Variants in SLC2A5 observed in about 807,000 individuals in gnomAD.
The protein encoded by SLC2A5 is solute carrier family 2 member 5, also known as solute carrier family 2, facilitated glucose transporter member 5.
Under a neutral mutation model 50.3 loss-of-function variants are expected in SLC2A5, and 56 were observed. The ratio of observed to expected loss-of-function variants is 1.11; its 90% confidence interval spans 0.90 to 1.39. The LOEUF (loss-of-function observed/expected upper bound fraction) is 1.39. SLC2A5 is among the 40% of genes most tolerant of loss of function. The probability of loss-of-function intolerance (pLI) is 0.00; values close to 1 mark genes in which losing one functional copy is unlikely to be tolerated. For missense variants in SLC2A5, 566 were observed against 650.1 expected, an observed-to-expected ratio of 0.87 and a Z score of 1.41; for synonymous variants, 269 against 281.9, an observed-to-expected ratio of 0.95 and a Z score of 0.46.
intron 1 of SLC2A5, among the ~76,000 whole-genome samples, chr1:9,060,013 CTA>C (rs1557675791): frequency 1.6e-5 from 2 of 127,662 alleles, no homozygotes; most frequent in African/African-American, 6.6e-5. Flanking sequence ...CACACACACA[CTA>C]CACACACACA....
intron 1 of SLC2A5, among the ~76,000 whole-genome samples, chr1:9,069,164 G>A (rs1488152498): frequency 6.6e-6 from 1 of 152,200 alleles, no homozygotes; most frequent in Non-Finnish European, 1.5e-5. Flanking sequence ...CGAAAGCAGA[G>A]CGAAACATCT....
At chr1:9,048,807 C>T (rs1317019337) in intron 3 of SLC2A5, among the ~76,000 whole-genome samples, 4 of 151,916 alleles carry the variant, frequency 2.6e-5, no homozygotes, top group Non-Finnish European at 5.9e-5. Flanking sequence ...AGGCACGTGC[C>T]CCCACACCCA....
rs756038839 is a variant in SLC2A5, at chr1:9,039,866, C to T, written c.819G>A (p.Ser273=). 4 of 1,611,992 alleles carry T rather than the reference C, an allele frequency of 2.5e-6. No homozygotes were observed. The highest frequency in any genetic ancestry group is 3.4e-6 in the Non-Finnish European group (4 of 1,179,516). The change falls in exon 7 of 12, where the codon TCG becomes TCA. Residue 273 remains serine, a synonymous_variant. Transcript: ENST00000377424. ...ISVLKLFRMR[S]LRWQLLSIIV... ...TGATGGACAGCAGCTGCCAGCGCAG[C>T]GAGCGCATCCGGAACAGCTTCAGCA...
At chr1:9,045,451 T>C (rs1452047959) in intron 4 of SLC2A5, among the ~76,000 whole-genome samples, 1 of 152,170 alleles carries the variant, frequency 6.6e-6, no homozygotes, top group Non-Finnish European at 1.5e-5. Context: ...TATTGGAGCC[T>C]AATATTTCTC....
chr1:9,038,762 A>G (rs1378287244), intron 9 of SLC2A5, 66 bp downstream of exon 9: 5 of 1,500,062 alleles, frequency 3.3e-6, no homozygotes, highest in Admixed American at 2.3e-5. Flanking sequence ...GTGGAGGCGC[A>G]GGATGGGAGG....
At chr1:9,088,310 G>T (rs1379702791) in intron 1 of SLC2A5, 1 of 152,074 alleles carries the variant, frequency 6.6e-6, no homozygotes, top group Non-Finnish European at 1.5e-5. Flanking sequence ...CACCCAGCTG[G>T]CCCCTCCTGC....
rs936229875 is a variant in SLC2A5, at chr1:9,040,503, C to T, written c.572-314G>A. The T allele has an allele frequency of 3.5e-5, 11 of 312,868 alleles. No homozygotes were observed. The highest frequency in any genetic ancestry group is 9.7e-4 in the Middle Eastern group (1 of 1,032). The allele number at this position is 312,868 out of a possible 1,614,324, so 19.4% of individuals were successfully genotyped here. A position where few individuals can be genotyped will look rare whatever the true frequency, so the allele number is the denominator to read the frequency against. On this transcript the variant is annotated intron_variant, in intron 5 of 11. Transcript: ENST00000377424. This position sits in a 1 kb window ranked among gnomAD's most constrained non-coding sequence, Gnocchi z 4.3. ...AGGGGCTGGAGGAGCTGGGCATACC[C>T]GGCCTGACCCAACTGCCCACTCCCA...
intron 3 of SLC2A5, 124 bp downstream of exon 3, chr1:9,057,324 A>G: frequency 1.9e-6 from 1 of 528,010 alleles, no homozygotes; most frequent in Non-Finnish European, 3.0e-6. Flanking sequence ...AAGAAAGAAA[A>G]AAGAAAAATG....
In SLC2A5 at chr1:9,038,010, G is replaced by A; in HGVS notation, c.1189C>T (p.Leu397=). The A allele has an allele frequency of 1.2e-6, 2 of 1,613,854 alleles. No homozygotes were observed. Among genetic ancestry groups the A allele is most frequent in the Non-Finnish European group, 8.5e-7 (1 of 1,180,010 alleles). Residue 397 remains leucine (L), a synonymous_variant, in exon 11 of 12, where the codon CTG becomes TTG. Transcript: ENST00000377424. The stretch of plus-strand genomic sequence containing the variant: ...TGCAGGAAGATCTCAGTGATGAGCA[G>A]CGCGGGTATGGGACCTGTAGGGGGA... ...HALGPSPIPA[L]LITEIFLQSS...
chr1:9,089,221 T>G (rs918231089), upstream of SLC2A5, among the ~76,000 whole-genome samples: 2 of 152,130 alleles, frequency 1.3e-5, no homozygotes, highest in African/African-American at 4.8e-5. Flanking sequence ...CAATTACCTG[T>G]CTCCTTGTGG....
upstream of SLC2A5, chr1:9,069,789 T>C: frequency 3.7e-6 from 2 of 545,424 alleles, no homozygotes; most frequent in South Asian, 4.3e-5. Context: ...CCCAGCATTG[T>C]CCTGATGGAA....
chr1:9,038,088 A>C (rs1641183845), intron 10 of SLC2A5, 64 bp from the exon 11 acceptor site: 5 of 1,577,748 alleles, frequency 3.2e-6, no homozygotes, highest in Non-Finnish European at 4.3e-6. Context: ...AGGCCTGGCC[A>C]TGCAGACCCA....
chr1:9,091,992 T>C (rs1181441227), upstream of SLC2A5, among the ~76,000 whole-genome samples: 1 of 152,156 alleles, frequency 6.6e-6, no homozygotes, highest in African/African-American at 2.4e-5. Context: ...ATTCCAGTGC[T>C]CAAATTTGGA....
chr1:9,042,042 C>G, intron 4 of SLC2A5, 105 bp from the exon 5 acceptor site: 1 of 1,424,990 alleles, frequency 7.0e-7, no homozygotes, highest in Non-Finnish European at 9.2e-7. Context: ...TGGGCCAGAA[C>G]TCTCTCAAAA....
upstream of SLC2A5, chr1:9,069,910 C>T (rs969161345): frequency 1.0e-5 from 2 of 190,832 alleles, no homozygotes; most frequent in Non-Finnish European, 2.2e-5. Flanking sequence ...CTGTCCTCCA[C>T]CCTACATGAC....
chr1:9,068,696 C>T (rs1340410389), intron 1 of SLC2A5, among the ~76,000 whole-genome samples: 1 of 152,104 alleles, frequency 6.6e-6, no homozygotes, highest in Non-Finnish European at 1.5e-5. Context: ...AGGTGATCCA[C>T]CCACCTCAGC....
At chr1:9,070,076 T>G (rs1053812499), upstream of SLC2A5, among the ~76,000 whole-genome samples, 93 of 128,652 alleles carry the variant, frequency 7.2e-4, no homozygotes, top group South Asian at 8.7e-3. Flanking sequence ...TTTTCTGTTT[T>G]TTTTTTTTTT....
intron 3 of SLC2A5, among the ~76,000 whole-genome samples, chr1:9,056,765 C>T (rs1467354885): frequency 2.0e-5 from 3 of 152,120 alleles, no homozygotes; most frequent in Non-Finnish European, 4.4e-5. Flanking sequence ...ACAGCCCTGA[C>T]CCCTTTGTTC....
upstream of SLC2A5, among the ~76,000 whole-genome samples, chr1:9,089,120 C>CA (rs1283070903): frequency 6.6e-6 from 1 of 152,216 alleles, no homozygotes; most frequent in African/African-American, 2.4e-5. Context: ...AGCCCCTATA[C>CA]AAAATCCAGT....
Sources: allele counts gnomAD v4.1 joint callset (sites outside exome capture counted in the v4.1 genomes callset), GRCh38; gene constraint gnomAD v4.1.1; non-coding constraint Gnocchi (gnomAD v3.1); transcripts MANE v1.5; gene names NCBI Gene and HGNC (gene_info 2026-07-23, HGNC 2026-07-21).